The following DDRGK1 variants were observed in gnomAD, a reference collection of about 807,000 sequenced individuals.
DDRGK1 encodes the protein DDRGK domain-containing protein 1.
Under a neutral mutation model 45.8 loss-of-function variants are expected in DDRGK1, and 38 were observed. The observed-to-expected ratio is 0.83, with a 90% CI of 0.64 to 1.09. DDRGK1 has a LOEUF of 1.09. Ranked by LOEUF, DDRGK1 falls within the 50% of genes least tolerant of loss-of-function variation. DDRGK1 has a pLI of 0.00. For synonymous variants in DDRGK1, 171 were observed against 168.7 expected (o/e 1.01, Z -0.11); for missense variants, 403 against 419.9 (o/e 0.96, Z 0.35).
intron 4 of DDRGK1, among the ~76,000 whole-genome samples, chr20:3,198,711 A>C (rs1568500697): frequency 6.9e-6 from 1 of 145,464 alleles, no homozygotes; most frequent in Non-Finnish European, 1.5e-5. Context: ...AAAAAAAAAA[A>C]AAAAAAAACA....
chr20:3,197,374 A>G (rs1455852370), intron 4 of DDRGK1, among the ~76,000 whole-genome samples: 1 of 152,210 alleles, frequency 6.6e-6, no homozygotes, highest in Non-Finnish European at 1.5e-5. Context: ...ACTTCTTTCC[A>G]AAGAAATACG....
intron 6 of DDRGK1, 80 bp downstream of exon 6, chr20:3,194,750 T>C (rs927757415): frequency 6.3e-6 from 10 of 1,585,384 alleles, no homozygotes; most frequent in East Asian, 2.2e-5. Context: ...ATGCCCTGCC[T>C]GCAGCCCCCG....
chr20:3,204,066 G>A (rs373078754), intron 1 of DDRGK1, among the ~76,000 whole-genome samples: 2 of 152,216 alleles, frequency 1.3e-5, no homozygotes, highest in African/African-American at 2.4e-5. Flanking sequence ...CGGGAAGGGA[G>A]AGAGCTTCAG....
chr20:3,204,678 C>T lies in DDRGK1; in HGVS notation c.-51G>A. ...TGCGTCCACCCTGAGGCCGGGATCTCATAGGCCCCGCCCCTATTTCCCAAT... is the reference window on the plus strand; with the variant it reads ...TGCGTCCACCCTGAGGCCGGGATCTTATAGGCCCCGCCCCTATTTCCCAAT... On this transcript the variant is annotated 5_prime_UTR_variant, in exon 1 of 9. It removes an upstream start codon present in the reference 5' UTR. Transcript: ENST00000354488. The T allele has an allele frequency of 6.6e-7, 1 of 1,520,350 alleles. No homozygotes were observed. Among genetic ancestry groups the T allele is most frequent in the Non-Finnish European group, 8.8e-7 (1 of 1,130,398 alleles). 94.2% of individuals were successfully genotyped at this position (1,520,350 alleles called of 1,614,324 possible).
At position 3,198,098 on chromosome 20, in the gene DDRGK1, C is replaced by CT. The variant is rs869242762; in HGVS notation, c.510+1902dup. On this transcript the variant is annotated intron_variant, in intron 4 of 8. Transcript: ENST00000354488. ...TGGGTGAGAGTGAGACTCCATCTCTCTTAAAAAAAAAAAAAAAAAAAAAAA... is the reference window on the plus strand; with the variant it reads ...TGGGTGAGAGTGAGACTCCATCTCTCTTTAAAAAAAAAAAAAAAAAAAAAAA... 5.8e-3 allele frequency among the ~76,000 whole-genome samples: 422 copies of CT among 72,526 alleles called. 2 individuals carry two copies. Among genetic ancestry groups the CT allele is most frequent in the African/African-American group, 0.02 (379 of 18,668 alleles). The allele number at this position is 72,526 out of a possible 152,430, so 47.6% of individuals were successfully genotyped here. A position where few individuals can be genotyped will look rare whatever the true frequency, so the allele number is the denominator to read the frequency against.
At chr20:3,191,852 G>A (rs761833341) in intron 6 of DDRGK1, 31 bp from the exon 7 acceptor site, 6 of 1,587,914 alleles carry the variant, frequency 3.8e-6, no homozygotes, top group African/African-American at 1.3e-5. Context: ...AGAAAGAGAG[G>A]CTGAGCTTGG....
chr20:3,194,755 C>T lies in DDRGK1; in HGVS notation c.672+75G>A, dbSNP rs533750856. On this transcript the variant is annotated intron_variant, in intron 6 of 8. Coordinates refer to ENST00000354488, the MANE Select transcript of DDRGK1 (RefSeq NM_023935.3). ...ATGAGCCTGAATGCCCTGCCTGCAG[C>T]CCCCGCTGGAGGCATCCAACCTGCA... 2.7e-3 allele frequency: 4,224 copies of T among 1,590,160 alleles called. 8 individuals are homozygous for T. The highest frequency in any genetic ancestry group is 3.4e-3 in the Non-Finnish European group (3,893 of 1,160,742).
At chr20:3,200,649 G>A (rs756826671) in intron 2 of DDRGK1, among the ~76,000 whole-genome samples, 195 bp from the exon 3 acceptor site, 1 of 152,232 alleles carries the variant, frequency 6.6e-6, no homozygotes, top group Non-Finnish European at 1.5e-5. Context: ...GTAGGGATGG[G>A]AGAACGGTGA....
intron 2 of DDRGK1, among the ~76,000 whole-genome samples, chr20:3,202,249 C>T (rs919171569): frequency 9.2e-5 from 14 of 152,320 alleles, no homozygotes; most frequent in African/African-American, 2.6e-4. Flanking sequence ...CCACCACGCC[C>T]GGCCCAGAGA....
Position 3,190,697 on chromosome 20 carries a change from G to C in DDRGK1, c.901C>G (p.Leu301Val). ...IAELAQASNS[L>V]IAWGRESPAQ... ...GGGGACTCCCGGCCCCAGGCGATGA[G>C]GGAGTTGCTGGCTTGGGCAAGCTCG... Residue 301 changes from leucine to valine, a missense_variant, in exon 9 of 9, where the codon CTC becomes GTC. Physicochemically the swap from Leu to Val is conservative, Grantham distance 32. Transcript: ENST00000354488. 1 of 1,614,068 alleles carries C rather than the reference G, an allele frequency of 6.2e-7. No homozygotes were observed. The highest frequency in any genetic ancestry group is 8.5e-7 in the Non-Finnish European group (1 of 1,179,974).
intron 4 of DDRGK1, 49 bp from the exon 5 acceptor site, chr20:3,195,402 G>T (rs1199781256): frequency 6.5e-7 from 1 of 1,543,330 alleles, no homozygotes; most frequent in Admixed American, 2.0e-5. Flanking sequence ...GAACAGGGCA[G>T]GCACCTGTTC....
rs2066984679 is a variant in DDRGK1 at position 3,190,504 on chromosome 20, C to G, written c.*149G>C. ...ATCCTAGGCCAGGCCTTCTGCCACA[C>G]CAAGCCACACCAAGCTCAGCAGTAC... On this transcript the variant is annotated 3_prime_UTR_variant, in exon 9 of 9. Coordinates refer to ENST00000354488, the MANE Select transcript of DDRGK1 (RefSeq NM_023935.3). The G allele has an allele frequency of 1.9e-6, 2 of 1,030,798 alleles. No homozygotes were observed. Among genetic ancestry groups the G allele is most frequent in the Non-Finnish European group, 2.8e-6 (2 of 709,532 alleles). The allele number at this position is 1,030,798 out of a possible 1,614,324, so 63.9% of individuals were successfully genotyped here. A position where few individuals can be genotyped will look rare whatever the true frequency, so the allele number is the denominator to read the frequency against.
In DDRGK1 at chr20:3,194,811, C is replaced by G; in HGVS notation, c.672+19G>C. On this transcript the variant is annotated intron_variant, in intron 6 of 8. Coordinates refer to ENST00000354488, the MANE Select transcript of DDRGK1 (RefSeq NM_023935.3). ...CAGGCAGGGAGCTGACACTCAGGCT[C>G]TGTTCAGTGGCTTCTTACCTTGATG... 1.2e-6 allele frequency: 2 copies of G among 1,614,120 alleles called. No homozygotes were observed. Among genetic ancestry groups the G allele is most frequent in the South Asian group, 2.2e-5 (2 of 91,078 alleles).
chr20:3,198,093 T>C (rs1255312323), intron 4 of DDRGK1, among the ~76,000 whole-genome samples: 22 of 88,758 alleles, frequency 2.5e-4, no homozygotes, highest in South Asian at 5.0e-4. Context: ...TGAGACTCCA[T>C]CTCTCTTAAA....
At chr20:3,199,895 A>T in intron 4 of DDRGK1, 106 bp downstream of exon 4, 1 of 1,040,572 alleles carries the variant, frequency 9.6e-7, no homozygotes, top group Non-Finnish European at 1.3e-6. Flanking sequence ...CCCTTGTGCC[A>T]GGTCTATGGC....
chr20:3,203,262 C>T lies in DDRGK1; in HGVS notation c.246G>A (p.Arg82=), dbSNP rs771520796. 5 of 1,606,462 alleles carry T rather than the reference C, an allele frequency of 3.1e-6. No homozygotes were observed. The highest frequency in any genetic ancestry group is 4.3e-6 in the Non-Finnish European group (5 of 1,175,648). ...SRLQAQRRAQ[R]VAWAEADENE... ...TCTCATCTGCTTCTGCCCAGGCCAC[C>T]CGCTGGGCTCGACGCTGGGCCTGTA... is the stretch of plus-strand genomic sequence containing the variant. Residue 82 remains arginine (R), a synonymous_variant, in exon 2 of 9, where the codon CGG becomes CGA. Coordinates refer to ENST00000354488, the MANE Select transcript of DDRGK1 (RefSeq NM_023935.3).
chr20:3,201,452 C>T (rs2067039169), intron 2 of DDRGK1, among the ~76,000 whole-genome samples: 1 of 146,774 alleles, frequency 6.8e-6, no homozygotes. Flanking sequence ...GCACTCCAGC[C>T]TGAGTGACAG....
At chr20:3,197,002 C>A (rs1444201992) in intron 4 of DDRGK1, among the ~76,000 whole-genome samples, 1 of 151,948 alleles carries the variant, frequency 6.6e-6, no homozygotes, top group African/African-American at 2.4e-5. Context: ...GCAGGCGGAT[C>A]ACCTGAGGTC....
intron 1 of DDRGK1, 121 bp downstream of exon 1, chr20:3,204,416 A>ACGCGCATGCGTCCCGCC: frequency 1.0e-6 from 1 of 987,098 alleles, no homozygotes; most frequent in Non-Finnish European, 1.5e-6. Context: ...TAGCGCACGG[A>ACGCGCATGCGTCCCGCC]CGCGCATGCG....
Sources: gnomAD v4.1 joint callset for allele counts (sites outside exome capture counted in the v4.1 genomes callset) on GRCh38, gnomAD v4.1.1 for gene constraint, MANE v1.5 for transcripts, NCBI Gene and HGNC (gene_info 2026-07-23, HGNC 2026-07-21) for gene names.